The following CCDC73 variants were observed in gnomAD, a reference collection of about 807,000 sequenced individuals.
CCDC73 encodes coiled-coil domain containing 73.
A neutral mutation model predicts 116.5 loss-of-function variants in CCDC73; 95 were observed. The ratio of observed to expected loss-of-function variants is 0.82; its 90% CI spans 0.69 to 0.97. The LOEUF is 0.97. Ranked by LOEUF, CCDC73 falls within the 50% of genes least tolerant of loss-of-function variation. The pLI is 0.00. For missense variants in CCDC73, 1,066 were observed against 1,206.8 expected, an observed-to-expected ratio of 0.88 and a Z score of 1.73; for synonymous variants, 398 against 401.3, an observed-to-expected ratio of 0.99 and a Z score of 0.10.
At chr11:32,675,008 C>G (rs1012807167) in intron 9 of CCDC73, among the ~76,000 whole-genome samples, 1 of 152,148 alleles carries the variant, frequency 6.6e-6, no homozygotes, top group Non-Finnish European at 1.5e-5. Flanking sequence ...ATGCTATTCC[C>G]CTTGCCTGAA....
chr11:32,766,117 G>C (rs1658730741), intron 1 of CCDC73, among the ~76,000 whole-genome samples: 1 of 152,194 alleles, frequency 6.6e-6, no homozygotes, highest in Admixed American at 6.5e-5. Context: ...CCATGATCAA[G>C]TGGGCTTCAT....
chr11:32,830,442 C>T, the CCDC73 span: 2 of 1,220,382 alleles, frequency 1.6e-6, no homozygotes, highest in African/African-American at 1.6e-5. Flanking sequence ...TGATTCAGTT[C>T]GACAGAAACT....
Position 32,641,952 on chromosome 11 carries a change from T to C in CCDC73, c.1050+20A>G. 7.2e-7 allele frequency: 1 copy of C among 1,392,286 alleles called. No individual in the cohort carries two copies. The allele number at this position is 1,392,286 out of a possible 1,614,324, so 86.2% of individuals were successfully genotyped here. ...AAACTATTTAAAATATTTTAATATT[T>C]TTCTATTTAATAAACTTACATGTCT... On this transcript the variant is annotated intron_variant, in intron 13 of 17. Transcript: ENST00000335185.
chr11:32,777,266 G>A (rs554136265), intron 1 of CCDC73, among the ~76,000 whole-genome samples: 13 of 150,708 alleles, frequency 8.6e-5, no homozygotes, highest in Middle Eastern at 3.4e-3. Flanking sequence ...CACCACACCC[G>A]GCTAATTTTT....
At chr11:32,779,045 A>G (rs999216762) in intron 1 of CCDC73, among the ~76,000 whole-genome samples, 1 of 152,148 alleles carries the variant, frequency 6.6e-6, no homozygotes, top group African/African-American at 2.4e-5. Context: ...TGCTAGGACA[A>G]TGTTCCATGA....
chr11:32,754,138 A>T (rs1029949672), intron 2 of CCDC73, among the ~76,000 whole-genome samples: 4 of 152,188 alleles, frequency 2.6e-5, no homozygotes, highest in African/African-American at 9.7e-5. Context: ...ATTCTCATGC[A>T]TTTTTCTTAA....
chr11:32,638,627 T>A (rs914592538), intron 13 of CCDC73, among the ~76,000 whole-genome samples: 3 of 151,976 alleles, frequency 2.0e-5, no homozygotes, highest in Non-Finnish European at 4.4e-5. Flanking sequence ...TACAGGCATG[T>A]GCCACCATGC....
Position 32,675,575 on chromosome 11 carries a change from C to T in CCDC73, c.635G>A (p.Ser212Asn), listed in dbSNP as rs745426823. The T allele has an allele frequency of 4.5e-6, 7 of 1,571,404 alleles. No homozygotes were observed. The highest frequency in any genetic ancestry group is 1.7e-4 in the Middle Eastern group (1 of 5,746). Residue 212 changes from serine (S) to asparagine (N), a missense_variant, in exon 9 of 18, where the codon AGT becomes AAT. Coordinates refer to ENST00000335185, the MANE Select transcript of CCDC73 (RefSeq NM_001008391.4). ...LNKKQEAEICSLKKELKKAAS... is the reference protein window; with the variant it reads ...LNKKQEAEICNLKKELKKAAS... ...CTGTATCAATCATACCTTCTTTAAA[C>T]TGCATATTTCAGCTTCTTGTTTTTT...
At chr11:32,721,080 A>C (rs190094040) in intron 2 of CCDC73, among the ~76,000 whole-genome samples, 22 of 152,290 alleles carry the variant, frequency 1.4e-4, no homozygotes, top group Non-Finnish European at 2.9e-4. Flanking sequence ...CCTGGAGTGC[A>C]GTGGTGCAAT....
intron 3 of CCDC73, among the ~76,000 whole-genome samples, chr11:32,710,428 A>T (rs1375927479): frequency 2.6e-5 from 4 of 152,158 alleles, no homozygotes; most frequent in Non-Finnish European, 5.9e-5. Context: ...TTCCATCTTG[A>T]TTTCATTGTT....
chr11:32,672,570 A>G (rs1273317798), intron 9 of CCDC73, among the ~76,000 whole-genome samples: 1 of 152,178 alleles, frequency 6.6e-6, no homozygotes, highest in African/African-American at 2.4e-5. Flanking sequence ...ACATCAATGA[A>G]AATGTGTTTA....
intron 2 of CCDC73, among the ~76,000 whole-genome samples, chr11:32,743,352 C>G (rs1354557099): frequency 6.6e-6 from 1 of 152,082 alleles, no homozygotes. Flanking sequence ...CATTAGAACT[C>G]AGGATTAAGA....
intron 2 of CCDC73, among the ~76,000 whole-genome samples, chr11:32,718,352 A>G (rs1298506630): frequency 6.6e-6 from 1 of 152,210 alleles, no homozygotes; most frequent in Non-Finnish European, 1.5e-5. Context: ...GGATAGAGAC[A>G]GGTGCCTAGA....
intron 3 of CCDC73, among the ~76,000 whole-genome samples, chr11:32,703,497 ATAT>A (rs1425375611): frequency 6.6e-6 from 1 of 152,128 alleles, no homozygotes; most frequent in Non-Finnish European, 1.5e-5. Context: ...TAAACTTTGG[ATAT>A]TATTTGCTCC....
the CCDC73 span, among the ~76,000 whole-genome samples, chr11:32,803,266 T>G: frequency 5.9e-5 from 9 of 152,012 alleles, no homozygotes; most frequent in Middle Eastern, 3.4e-3. Flanking sequence ...AATTTTTGTA[T>G]TTTTAGTAGA....
At chr11:32,809,934 T>C in the CCDC73 span, among the ~76,000 whole-genome samples, 3 of 152,218 alleles carry the variant, frequency 2.0e-5, no homozygotes, top group African/African-American at 7.2e-5. Flanking sequence ...TTATAATTAG[T>C]AAAGATCACA....
At chr11:32,688,014 T>C (rs751340630) in intron 6 of CCDC73, among the ~76,000 whole-genome samples, 2 of 152,176 alleles carry the variant, frequency 1.3e-5, no homozygotes, top group Non-Finnish European at 2.9e-5. Flanking sequence ...TTTTAATCCA[T>C]TGTACAAAAC....
intron 17 of CCDC73, chr11:32,606,401 C>T (rs533475889): frequency 2.6e-5 from 4 of 152,304 alleles, no homozygotes; most frequent in Admixed American, 2.6e-4. Context: ...ACAGCCTTTA[C>T]AATATGCAAA....
upstream of CCDC73, among the ~76,000 whole-genome samples, chr11:32,795,991 C>G (rs372848054): frequency 5.3e-5 from 8 of 152,136 alleles, no homozygotes; most frequent in South Asian, 1.7e-3. Flanking sequence ...CAGCCGGCCC[C>G]CCGCCCTCAA....
Sources: allele counts gnomAD v4.1 joint callset (sites outside exome capture counted in the v4.1 genomes callset), GRCh38; gene constraint gnomAD v4.1.1; transcripts MANE v1.5; gene names NCBI Gene and HGNC (gene_info 2026-07-23, HGNC 2026-07-21).